TMC4: variants seen among roughly 807,000 people sequenced by gnomAD.
The protein encoded by TMC4 is voltage-gated chloride channel TMC4.
In TMC4, 70 loss-of-function variants were observed where a neutral mutation model predicts 82.0. The observed-to-expected ratio is 0.85, with a 90% CI of 0.70 to 1.04. The LOEUF is 1.04. Among genes scored for constraint, TMC4 ranks in the 50% least tolerant of loss-of-function variants. The probability of loss-of-function intolerance (pLI) is 0.00; values close to 1 mark genes in which losing one functional copy is unlikely to be tolerated. For synonymous variants in TMC4, 446 were observed against 406.0 expected (o/e 1.10, Z -1.18); for missense variants, 879 against 899.0 (o/e 0.98, Z 0.28).
In TMC4 at chr19:54,164,600, A is replaced by C; in HGVS notation, c.947T>G (p.Val316Gly). ...CCGCACCACTGTCTCCTCCAGCTCC[A>C]CCTGAAGGCAGGAGAGATGCCCGCT... is the stretch of plus-strand genomic sequence containing the variant. ...RQRIILYELK[V>G]ELEETVVRRQ... Residue 316 changes from valine to glycine, a missense_variant and splice_region_variant, in exon 7 of 15, where the codon GTG (valine) becomes GGG (glycine). Physicochemically the swap from Val to Gly is moderately radical, Grantham distance 109. Coordinates refer to ENST00000619895, the MANE Select transcript of TMC4 (RefSeq NM_144686.4). The C allele has an allele frequency of 6.2e-7, 1 of 1,612,808 alleles. No homozygotes were observed.
intron 5 of TMC4, among the ~76,000 whole-genome samples, chr19:54,166,105 G>A (rs1032007825): frequency 1.4e-4 from 21 of 151,642 alleles, no homozygotes; most frequent in South Asian, 4.2e-4. Flanking sequence ...CAGGCCAGGC[G>A]CCATGGCTCA....
intron 5 of TMC4, among the ~76,000 whole-genome samples, chr19:54,166,418 C>G (rs1342011643): frequency 1.3e-5 from 2 of 151,976 alleles, no homozygotes; most frequent in Admixed American, 6.6e-5. Flanking sequence ...GATAGAGAAC[C>G]CCAGCAGGGG....
chr19:54,160,550 A>C lies in TMC4; in HGVS notation c.1974-5T>G. ...ACAGTGTACGCCATCAGGATGCTGA[A>C]GGAGACAGGAACGGAAGCCACTCCT... On this transcript the variant is annotated splice_region_variant and splice_polypyrimidine_tract_variant and intron_variant, in intron 13 of 14. Transcript: ENST00000619895. 1 of 1,614,084 alleles carries C rather than the reference A, an allele frequency of 6.2e-7. No individual in the cohort carries two copies. The highest frequency in any genetic ancestry group is 8.5e-7 in the Non-Finnish European group (1 of 1,179,994).
At chr19:54,171,600 A>C (rs1299457537) in intron 2 of TMC4, among the ~76,000 whole-genome samples, 1 of 152,212 alleles carries the variant, frequency 6.6e-6, no homozygotes, top group African/African-American at 2.4e-5. Flanking sequence ...AGAGAAACTG[A>C]GGCAGAGACA....
intron 5 of TMC4, among the ~76,000 whole-genome samples, chr19:54,167,827 C>CCGAGG (rs1184660812): frequency 1.3e-5 from 2 of 151,720 alleles, no homozygotes; most frequent in African/African-American, 4.8e-5. Context: ...CTGTGGGAGG[C>CCGAGG]CGAGGCGGGT....
At chr19:54,168,854 TTTCTTTTCTTTTCTTTTCTTTTCTTTTC>T in intron 3 of TMC4, among the ~76,000 whole-genome samples, 174 bp from the exon 4 acceptor site, 1 of 43,892 alleles carries the variant, frequency 2.3e-5, no homozygotes, top group Non-Finnish European at 4.1e-5. Flanking sequence ...TTTCTTTTCT[TTTCTTTTCTTTTCTTTTCTTTTCTTTTC>T]TTTTCTTTCT....
In TMC4 at chr19:54,168,685, A is replaced by AG. The variant is rs2146904629; in HGVS notation, c.443-6dup. ...CCGTGCCGGCGCCAAACTGGCCTGCAGGGGGCAGCAGAGAGAGGCTCAGGT... is the reference window on the plus strand; with the variant it reads ...CCGTGCCGGCGCCAAACTGGCCTGCAGGGGGGCAGCAGAGAGAGGCTCAGGT... On this transcript the variant is annotated splice_region_variant and splice_polypyrimidine_tract_variant and intron_variant, in intron 3 of 14. Transcript: ENST00000619895. 1 of 1,498,504 alleles carries AG rather than the reference A, an allele frequency of 6.7e-7. No individual in the cohort carries two copies. 92.8% of individuals were successfully genotyped at this position (1,498,504 alleles called of 1,614,324 possible).
intron 1 of TMC4, 122 bp from the exon 2 acceptor site, chr19:54,172,205 T>C (rs546972004): frequency 3.0e-4 from 158 of 529,324 alleles, no homozygotes; most frequent in African/African-American, 2.3e-3. Flanking sequence ...GGCCCCCGGC[T>C]CCTCCTCCCT....
At position 54,168,601 on chromosome 19, in the gene TMC4, GAGCACAGAGGCC is replaced by G; in HGVS notation, c.510_521del (p.Ala171_Leu174del). 1 of 1,595,844 alleles carries G rather than the reference GAGCACAGAGGCC, an allele frequency of 6.3e-7. No individual in the cohort carries two copies. Among genetic ancestry groups the G allele is most frequent in the Non-Finnish European group, 8.5e-7 (1 of 1,171,666 alleles). On this transcript the variant is annotated inframe_deletion, in exon 4 of 15. Transcript: ENST00000619895. ...TGGGCAGCAGCGTCATGCAGGCCAT[GAGCACAGAGGCC>G]AGCACGTTAAGAAGGAGCAGGAAGC...
chr19:54,165,330 G>A (rs1301304107), intron 6 of TMC4, 89 bp downstream of exon 6: 4 of 1,361,772 alleles, frequency 2.9e-6, no homozygotes, highest in East Asian at 4.9e-5. Context: ...CTCTCCGGAG[G>A]CCCCATCACC....
chr19:54,163,308 C>CT lies in TMC4; in HGVS notation c.1278-150dup, dbSNP rs35587690. 2,912 of 591,702 alleles carry CT rather than the reference C, an allele frequency of 4.9e-3. 8 individuals carry two copies. Among genetic ancestry groups the CT allele is most frequent in the African/African-American group, 0.012 (448 of 36,760 alleles). The allele number at this position is 591,702 out of a possible 1,614,324, so 36.7% of individuals were successfully genotyped here. A position where few individuals can be genotyped will look rare whatever the true frequency, so the allele number is the denominator to read the frequency against. On this transcript the variant is annotated intron_variant, in intron 8 of 14. Coordinates refer to ENST00000619895, the MANE Select transcript of TMC4 (RefSeq NM_144686.4). ...TCAGGATTTCTTTCTTTCTTTCTTT[C>CT]TTTTTTTTTTTTTTTTTTTTGAGAC... is the stretch of plus-strand genomic sequence containing the variant.
chr19:54,160,256 T>C lies in TMC4; in HGVS notation c.*50A>G. 1 of 1,496,004 alleles carries C rather than the reference T, an allele frequency of 6.7e-7. No homozygotes were observed. The highest frequency in any genetic ancestry group is 8.9e-7 in the Non-Finnish European group (1 of 1,120,240). The allele number at this position is 1,496,004 out of a possible 1,614,324, so 92.7% of individuals were successfully genotyped here. A position where few individuals can be genotyped will look rare whatever the true frequency, so the allele number is the denominator to read the frequency against. On this transcript the variant is annotated 3_prime_UTR_variant, in exon 15 of 15. Transcript: ENST00000619895. ...CTCCTAGTTTACAGATGTTGTGACCTAGGCTTACAATGGGCCTGGGGTCTG... is the reference window on the plus strand; with the variant it reads ...CTCCTAGTTTACAGATGTTGTGACCCAGGCTTACAATGGGCCTGGGGTCTG...
intron 7 of TMC4, among the ~76,000 whole-genome samples, chr19:54,164,214 C>T (rs2146880565): frequency 6.6e-6 from 1 of 151,664 alleles, no homozygotes; most frequent in African/African-American, 2.4e-5. Context: ...ACATCGTGAT[C>T]CGCCCGCCTC....
intron 3 of TMC4, among the ~76,000 whole-genome samples, chr19:54,168,972 T>TTCTCTC (rs202088479): frequency 8.9e-5 from 2 of 22,398 alleles, no homozygotes; most frequent in Admixed American, 6.3e-4. Flanking sequence ...TCCTTCTTCT[T>TTCTCTC]TCTCTCTCTC....
Position 54,168,176 on chromosome 19 carries a change from C to G in TMC4, c.792G>C (p.Leu264=). Reference sequence around the variant, plus strand: ...GGGGTGCAGGTGCCACTGACCGATGCAGGATGAGCAGGAGGCAGATGAGGC... The same window carrying G: ...GGGGTGCAGGTGCCACTGACCGATGGAGGATGAGCAGGAGGCAGATGAGGC... ...AVGLICLLLI[L]HRSVSGLKQT... The change falls in exon 5 of 15, where the codon CTG becomes CTC. Residue 264 remains leucine, a synonymous_variant. Coordinates refer to ENST00000619895, the MANE Select transcript of TMC4 (RefSeq NM_144686.4). The G allele has an allele frequency of 6.2e-7, 1 of 1,603,730 alleles. No homozygotes were observed. Among genetic ancestry groups the G allele is most frequent in the Non-Finnish European group, 8.5e-7 (1 of 1,175,066 alleles).
chr19:54,163,614 A>T, intron 8 of TMC4, 110 bp downstream of exon 8: 1 of 1,342,328 alleles, frequency 7.4e-7, no homozygotes, highest in Non-Finnish European at 1.1e-6. Flanking sequence ...CAGGATTTGA[A>T]TCCCTGGATT....
chr19:54,161,965 G>C lies in TMC4; in HGVS notation c.1686+137C>G, dbSNP rs375944512. ...ATGCCCTAGACCCCTCCTCTCAGAT[G>C]CAGTAGTCTGTCCTCCAACCCCCTC... On this transcript the variant is annotated intron_variant, in intron 11 of 14. Coordinates refer to ENST00000619895, the MANE Select transcript of TMC4 (RefSeq NM_144686.4). The C allele has an allele frequency of 2.8e-4, 197 of 703,118 alleles. 1 individual carries two copies. The highest frequency in any genetic ancestry group is 2.3e-3 in the East Asian group (75 of 32,952). The allele number at this position is 703,118 out of a possible 1,614,324, so 43.6% of individuals were successfully genotyped here. A position where few individuals can be genotyped will look rare whatever the true frequency, so the allele number is the denominator to read the frequency against.
At chr19:54,168,058 C>T (rs1244715886) in intron 5 of TMC4, 113 bp downstream of exon 5, 12 of 1,305,052 alleles carry the variant, frequency 9.2e-6, no homozygotes, top group South Asian at 4.5e-5. Flanking sequence ...AGCAAAACTC[C>T]GTCTCAAAAA....
In TMC4 at chr19:54,164,412, C is replaced by T. The variant is rs369986284; in HGVS notation, c.1113+22G>A. 9 of 1,589,762 alleles carry T rather than the reference C, an allele frequency of 5.7e-6. No individual in the cohort carries two copies. In the African/African-American group the frequency reaches 9.4e-5, roughly 17 times the overall value. On this transcript the variant is annotated intron_variant, in intron 7 of 14. Coordinates refer to ENST00000619895, the MANE Select transcript of TMC4 (RefSeq NM_144686.4). ...TGTAGGTTCCAGGACCCCCTGGCTT[C>T]CTCTTCCAAGACCGTCCGCACCTGC... is the stretch of plus-strand genomic sequence containing the variant.
Sources: allele counts gnomAD v4.1 joint callset (sites outside exome capture counted in the v4.1 genomes callset), GRCh38; gene constraint gnomAD v4.1.1; transcripts MANE v1.5; gene names NCBI Gene and HGNC (gene_info 2026-07-23, HGNC 2026-07-21).